NBEA: variants seen among roughly 807,000 people sequenced by gnomAD.
NBEA encodes neurobeachin, also known as lysosomal-trafficking regulator 2.
NBEA carries 44 observed loss-of-function variants against 343.4 expected under a neutral mutation model. The observed-to-expected ratio is 0.13, with a 90% CI of 0.10 to 0.16. The LOEUF is 0.16. Ranked by LOEUF, NBEA falls within the 10% of genes least tolerant of loss-of-function variation. The pLI, the probability that NBEA is intolerant of heterozygous loss-of-function variation, is 1.00. For missense variants in NBEA, 2,555 were observed against 3,631.3 expected (o/e 0.70, Z 7.62); for synonymous variants, 1,175 against 1,238.7 (o/e 0.95, Z 1.08).
At chr13:35,356,375 C>T (rs1288887198) in intron 38 of NBEA, among the ~76,000 whole-genome samples, 6 of 152,052 alleles carry the variant, frequency 3.9e-5, no homozygotes, top group Non-Finnish European at 7.4e-5. Context: ...GCAAAAGTTG[C>T]TTTTGAATGC....
intron 34 of NBEA, among the ~76,000 whole-genome samples, chr13:35,264,522 A>C (rs762121877): frequency 2.6e-5 from 4 of 152,066 alleles, no homozygotes; most frequent in Non-Finnish European, 5.9e-5. Flanking sequence ...AACCCAATTT[A>C]ACAGCACGTT....
rs776453872 is a variant in NBEA at position 35,110,788 on chromosome 13, A to T, written c.1834-22A>T. ...GAGGCATTTTAAATTCATTTTAATG[A>T]TCTGTTAATATTCTGTATTAGGTTC... On this transcript the variant is annotated intron_variant, in intron 12 of 58. Transcript: ENST00000379939. The T allele has an allele frequency of 2.5e-6, 4 of 1,576,950 alleles. No individual in the cohort carries two copies. The Admixed American group carries it at 5.1e-5, about 20-fold the overall frequency.
chr13:35,182,569 G>A (rs762542355), intron 29 of NBEA, 41 bp downstream of exon 29: 20 of 1,546,788 alleles, frequency 1.3e-5, no homozygotes, highest in Middle Eastern at 1.7e-4. Flanking sequence ...TCACCATGAT[G>A]TATCTCCTTT....
At chr13:35,203,745 A>T (rs915940077) in intron 31 of NBEA, among the ~76,000 whole-genome samples, 1 of 152,210 alleles carries the variant, frequency 6.6e-6, no homozygotes, top group African/African-American at 2.4e-5. Context: ...TATTAAAATC[A>T]TATAATCAAT....
chr13:35,610,018 GTGAT>G (rs2082437653), intron 48 of NBEA, among the ~76,000 whole-genome samples: 1 of 152,212 alleles, frequency 6.6e-6, no homozygotes, highest in South Asian at 2.1e-4. Flanking sequence ...AGTGGACTAA[GTGAT>G]TGGTCAAATG....
chr13:35,134,339 C>T (rs981923920), intron 17 of NBEA, among the ~76,000 whole-genome samples: 8 of 151,304 alleles, frequency 5.3e-5, no homozygotes. Context: ...TGAGGATATA[C>T]TTCATGGCTA....
intron 38 of NBEA, among the ~76,000 whole-genome samples, chr13:35,425,111 T>C (rs906296843): frequency 1.1e-4 from 17 of 152,210 alleles, no homozygotes; most frequent in Non-Finnish European, 2.2e-4. Context: ...CCTGGATTCA[T>C]TAATTTTTTG....
At chr13:35,661,325 G>T (rs2085081045) in intron 55 of NBEA, among the ~76,000 whole-genome samples, 1 of 152,174 alleles carries the variant, frequency 6.6e-6, no homozygotes, top group Admixed American at 6.5e-5. Flanking sequence ...CTGGGCTCAG[G>T]ACTTCAAGAG....
rs377092409 is a variant in NBEA at position 35,655,575 on chromosome 13, G to C, written c.8192-4G>C. On this transcript the variant is annotated splice_polypyrimidine_tract_variant and splice_region_variant and intron_variant, in intron 54 of 58. Transcript: ENST00000379939. Reference sequence around the variant, plus strand: ...GAAGCAAACCTGTCATTTCTGTGTTGCAGGGAAATTGACTCAGATTGTATT... The same window carrying C: ...GAAGCAAACCTGTCATTTCTGTGTTCCAGGGAAATTGACTCAGATTGTATT... 9 of 1,611,314 alleles carry C rather than the reference G, an allele frequency of 5.6e-6. No homozygotes were observed. The African/African-American group carries it at 1.1e-4, about 19-fold the overall frequency.
chr13:35,098,150 A>G (rs1427847757), intron 10 of NBEA, 147 bp from the exon 11 acceptor site: 4 of 491,400 alleles, frequency 8.1e-6, no homozygotes, highest in Non-Finnish European at 1.4e-5. Context: ...ATATTCTTTC[A>G]TAATATAAGG....
chr13:35,584,585 C>T (rs952951871), intron 46 of NBEA, among the ~76,000 whole-genome samples: 12 of 151,604 alleles, frequency 7.9e-5, no homozygotes, highest in Non-Finnish European at 1.2e-4. Flanking sequence ...CTGCAATCTC[C>T]GCCTCCCAGG....
At chr13:35,397,278 C>CT (rs1197955838) in intron 38 of NBEA, among the ~76,000 whole-genome samples, 2 of 152,290 alleles carry the variant, frequency 1.3e-5, no homozygotes, top group African/African-American at 4.8e-5. Context: ...GCTGTCTCTA[C>CT]TGTCAGTGCT....
chr13:35,213,737 CACTGAA>C (rs1193268241), intron 33 of NBEA, among the ~76,000 whole-genome samples: 1 of 151,582 alleles, frequency 6.6e-6, no homozygotes, highest in Non-Finnish European at 1.5e-5. Flanking sequence ...AGATAAACTT[CACTGAA>C]ACTATTTGTT....
chr13:35,252,930 C>A (rs2032146005), intron 34 of NBEA, among the ~76,000 whole-genome samples: 2 of 152,080 alleles, frequency 1.3e-5, no homozygotes, highest in Admixed American at 6.5e-5. Flanking sequence ...TTGAAGACAT[C>A]CTCTCTACTC....
At chr13:34,947,220 T>G (rs889768975) in intron 1 of NBEA, among the ~76,000 whole-genome samples, 1 of 152,128 alleles carries the variant, frequency 6.6e-6, no homozygotes, top group Non-Finnish European at 1.5e-5. Context: ...GAGATTTTCC[T>G]TAGAAATATT....
At position 35,503,435 on chromosome 13, in the gene NBEA, A is replaced by G. The variant is rs529854773; in HGVS notation, c.6585+30899A>G. ...AAAAATATAATATGAACATATTTCT[A>G]TATCAATAAGTATTGATCTACATTA... On this transcript the variant is annotated intron_variant, in intron 41 of 58. Coordinates refer to ENST00000379939, the MANE Select transcript of NBEA (RefSeq NM_001385012.1). 4.6e-5 allele frequency among the ~76,000 whole-genome samples: 7 copies of G among 152,036 alleles called. No individual in the cohort carries two copies. The East Asian group carries it at 9.7e-4, about 21-fold the overall frequency.
chr13:35,076,707 C>T (rs972921582), intron 10 of NBEA, among the ~76,000 whole-genome samples: 3 of 151,974 alleles, frequency 2.0e-5, no homozygotes, highest in Admixed American at 6.6e-5. Context: ...GAAATTCTGG[C>T]GACCATGGAC....
intron 35 of NBEA, among the ~76,000 whole-genome samples, chr13:35,301,364 G>A (rs937285786): frequency 2.6e-5 from 4 of 151,526 alleles, no homozygotes; most frequent in Non-Finnish European, 5.9e-5. Flanking sequence ...ACAGGCCCCA[G>A]TGTGTGATGT....
At position 35,668,440 on chromosome 13, in the gene NBEA, G is replaced by C; in HGVS notation, c.8734G>C (p.Ala2912Pro). 6.2e-7 allele frequency: 1 copy of C among 1,613,534 alleles called. No individual in the cohort carries two copies. Among genetic ancestry groups the C allele is most frequent in the Non-Finnish European group, 8.5e-7 (1 of 1,179,700 alleles). ...GDNGVVEVWQ[A>P]CDFKQLYIYP... ...CAATGGGGTAGTAGAGGTCTGGCAG[G>C]CCTGTGACTTCAAGCAACTGTACAT... The change falls in exon 58 of 59, where the codon GCC (alanine) becomes CCC (proline). Residue 2912 changes from alanine (A) to proline (P), a missense_variant. Coordinates refer to ENST00000379939, the MANE Select transcript of NBEA (RefSeq NM_001385012.1).
Sources: gnomAD v4.1 joint callset for allele counts (sites outside exome capture counted in the v4.1 genomes callset) on GRCh38, gnomAD v4.1.1 for gene constraint, MANE v1.5 for transcripts, NCBI Gene and HGNC (gene_info 2026-07-23, HGNC 2026-07-21) for gene names.